Variants in FGF9 observed in about 807,000 individuals in gnomAD.
The protein encoded by FGF9 is fibroblast growth factor 9 (glia-activating factor).
A neutral mutation model predicts 19.9 loss-of-function variants in FGF9; 3 were observed. The observed-to-expected ratio is 0.15, with a 90% CI of 0.07 to 0.39. FGF9 has a LOEUF of 0.39. FGF9 is among the 10% of genes least tolerant of loss of function. The pLI, the probability that FGF9 is intolerant of heterozygous loss-of-function variation, is 1.00. For synonymous variants in FGF9, 107 were observed against 106.9 expected (o/e 1.00, Z -0.01); for missense variants, 175 against 256.8 (o/e 0.68, Z 2.18).
chr13:21,671,159 C>A lies in FGF9; in HGVS notation c.-754C>A, dbSNP rs1168425112. ...GCGAGCCGGCGCGGCAACACCTGTT[C>A]GCGGCAGCCTGGGCGGCACGCGAGC... On this transcript the variant is annotated 5_prime_UTR_variant, in exon 1 of 3. Transcript: ENST00000382353. Among the ~76,000 whole-genome samples, 1 of 152,238 alleles carries A rather than the reference C, an allele frequency of 6.6e-6. No homozygotes were observed. The highest frequency in any genetic ancestry group is 2.4e-5 in the African/African-American group (1 of 41,468).
chr13:21,697,394 G>T (rs1872433260), intron 2 of FGF9, among the ~76,000 whole-genome samples: 1 of 152,112 alleles, frequency 6.6e-6, no homozygotes, highest in African/African-American at 2.4e-5. Context: ...TGATATTTCT[G>T]CTTGGGCCTT....
Position 21,699,987 on chromosome 13 carries a change from C to G in FGF9, c.382-1203C>G, listed in dbSNP as rs915016882. Among the ~76,000 whole-genome samples, 16 of 151,112 alleles carry G rather than the reference C, an allele frequency of 1.1e-4. 1 individual carries two copies. The highest frequency in any genetic ancestry group is 8.6e-4 in the Admixed American group (13 of 15,128). ...CCAGCTTCAATGCACACATTTTTGCCTGGGGCGTGTTCACAGCTTTGGGAT... is the reference window on the plus strand; with the variant it reads ...CCAGCTTCAATGCACACATTTTTGCGTGGGGCGTGTTCACAGCTTTGGGAT... On this transcript the variant is annotated intron_variant, in intron 2 of 2. Transcript: ENST00000382353.
chr13:21,696,641 G>A (rs150020212), intron 2 of FGF9, among the ~76,000 whole-genome samples: 7 of 152,114 alleles, frequency 4.6e-5, no homozygotes, highest in East Asian at 1.9e-4. Flanking sequence ...CCCTTCATCC[G>A]CACATCTATA....
chr13:21,687,693 C>A (rs753076398), intron 2 of FGF9, among the ~76,000 whole-genome samples: 53 of 152,188 alleles, frequency 3.5e-4, no homozygotes, highest in Non-Finnish European at 6.2e-4. Context: ...CAAATGATCT[C>A]ATCTGATCTT....
At position 21,671,796 on chromosome 13, in the gene FGF9, T is replaced by TC. The variant is rs1555223891; in HGVS notation, c.-116dup. ...GGATTGAAGAAAAGAACCTTTTTTT[T>TC]CTCTCTCTCTCTGCAACTGCAGTAA... On this transcript the variant is annotated 5_prime_UTR_variant, in exon 1 of 3. Transcript: ENST00000382353. 4 of 1,081,354 alleles carry TC rather than the reference T, an allele frequency of 3.7e-6. No individual in the cohort carries two copies. The Admixed American group carries it at 8.3e-5, about 22-fold the overall frequency. The allele number at this position is 1,081,354 out of a possible 1,614,324, so 67.0% of individuals were successfully genotyped here.
intron 2 of FGF9, chr13:21,681,364 G>A (rs1872039195): frequency 6.9e-6 from 3 of 432,460 alleles, no homozygotes; most frequent in South Asian, 3.5e-5. Flanking sequence ...TTATTTATAT[G>A]CCAAACCATC....
chr13:21,702,071 ATATT>A lies in FGF9; in HGVS notation c.*645_*648del, dbSNP rs1422278041. 2 of 151,558 alleles carry A rather than the reference ATATT, an allele frequency of 1.3e-5. No individual in the cohort carries two copies. The highest frequency in any genetic ancestry group is 4.8e-5 in the African/African-American group (2 of 41,374). 9.4% of individuals were successfully genotyped at this position (151,558 alleles called of 1,614,324 possible). ...AAAGGCAACATTTTATTTATTTTAT[ATATT>A]TATTTATTATATAGAGTTTATTTTT... On this transcript the variant is annotated 3_prime_UTR_variant, in exon 3 of 3. Transcript: ENST00000382353.
At chr13:21,675,395 A>C (rs1871888873) in intron 1 of FGF9, among the ~76,000 whole-genome samples, 1 of 151,874 alleles carries the variant, frequency 6.6e-6, no homozygotes, top group Non-Finnish European at 1.5e-5. Context: ...GTGTGCCGGG[A>C]GCCTCCTACC....
chr13:21,681,292 AT>A, intron 2 of FGF9, 147 bp downstream of exon 2: 1 of 637,494 alleles, frequency 1.6e-6, no homozygotes, highest in Non-Finnish European at 2.8e-6. Context: ...AAGCCATTTT[AT>A]TTTTATTAAT....
chr13:21,688,802 G>A (rs369320904), intron 2 of FGF9, among the ~76,000 whole-genome samples: 7 of 135,652 alleles, frequency 5.2e-5, no homozygotes, highest in African/African-American at 1.9e-4. Context: ...TGGTTCATTT[G>A]TTTCCTTAGC....
At chr13:21,698,142 A>C (rs1206579034) in intron 2 of FGF9, among the ~76,000 whole-genome samples, 1 of 152,152 alleles carries the variant, frequency 6.6e-6, no homozygotes, top group African/African-American at 2.4e-5. Flanking sequence ...GCTTAGTGAA[A>C]AGTGAAAAGT....
rs1206279062 is a variant in FGF9 at position 21,672,932 on chromosome 13, G to T, written c.277+743G>T. 6.6e-6 allele frequency among the ~76,000 whole-genome samples: 1 copy of T among 152,180 alleles called. No homozygotes were observed. Among genetic ancestry groups the T allele is most frequent in the Non-Finnish European group, 1.5e-5 (1 of 68,030 alleles). On this transcript the variant is annotated intron_variant, in intron 1 of 2. Transcript: ENST00000382353. The surrounding 1 kb of genome is among the most constrained non-coding windows in gnomAD (Gnocchi z 4.2). ...GGCTCTCTGGTGTGAGTGTGTGCGC[G>T]CGTGCAAACGCTGCGAGCGAATTTT... is the stretch of plus-strand genomic sequence containing the variant.
intron 2 of FGF9, among the ~76,000 whole-genome samples, chr13:21,699,953 C>T (rs959383178): frequency 1.3e-5 from 2 of 152,068 alleles, no homozygotes; most frequent in Admixed American, 6.6e-5. Context: ...CACCTTATTT[C>T]TCTAGGGGCC....
intron 1 of FGF9, among the ~76,000 whole-genome samples, chr13:21,679,915 C>T (rs1030643665): frequency 2.0e-5 from 3 of 149,196 alleles, no homozygotes; most frequent in African/African-American, 7.5e-5. Flanking sequence ...CAAGATCGCA[C>T]CACTACACTC....
chr13:21,673,498 TAAA>T (rs1301868051), intron 1 of FGF9, among the ~76,000 whole-genome samples: 1 of 151,952 alleles, frequency 6.6e-6, no homozygotes, highest in Non-Finnish European at 1.5e-5. Context: ...ACTCGCTGCT[TAAA>T]AAAAAGTTAT....
intron 2 of FGF9, among the ~76,000 whole-genome samples, chr13:21,685,153 A>G (rs1432374517): frequency 6.6e-6 from 1 of 152,228 alleles, no homozygotes; most frequent in Non-Finnish European, 1.5e-5. Flanking sequence ...AGGAATCTTT[A>G]TCTGTGTGAA....
intron 2 of FGF9, among the ~76,000 whole-genome samples, chr13:21,687,326 C>T (rs1333596242): frequency 6.6e-6 from 1 of 152,180 alleles, no homozygotes; most frequent in Admixed American, 6.5e-5. Flanking sequence ...TGAAGTACCT[C>T]AGATCCTTAA....
At chr13:21,689,569 G>GTA (rs796552487) in intron 2 of FGF9, among the ~76,000 whole-genome samples, 6 of 152,226 alleles carry the variant, frequency 3.9e-5, no homozygotes, top group African/African-American at 1.4e-4. Context: ...CTGATTTTGA[G>GTA]TATAAGGTTC....
chr13:21,677,958 G>A (rs1871953657), intron 1 of FGF9, among the ~76,000 whole-genome samples: 1 of 152,122 alleles, frequency 6.6e-6, no homozygotes, highest in Non-Finnish European at 1.5e-5. Context: ...TCTTTGGACT[G>A]CCCATACCCT....
Sources: allele counts gnomAD v4.1 joint callset (sites outside exome capture counted in the v4.1 genomes callset), GRCh38; gene constraint gnomAD v4.1.1; non-coding constraint Gnocchi (gnomAD v3.1); transcripts MANE v1.5; gene names NCBI Gene and HGNC (gene_info 2026-07-23, HGNC 2026-07-21).